TLL1: variants seen among roughly 807,000 people sequenced by gnomAD.
The protein encoded by TLL1 is tolloid like 1, also known as tolloid-like protein 1.
A neutral mutation model predicts 128.2 loss-of-function variants in TLL1; 49 were observed. That is an observed-to-expected ratio of 0.38 (90% CI 0.30 to 0.48). The LOEUF (loss-of-function observed/expected upper bound fraction) is 0.48, where lower values mean the gene tolerates loss of function less well. TLL1 is among the 20% of genes least tolerant of loss of function. The pLI is 0.96. For synonymous variants in TLL1, 454 were observed against 418.8 expected, an observed-to-expected ratio of 1.08 and a Z score of -1.03; for missense variants, 1,123 against 1,242.0, an observed-to-expected ratio of 0.90 and a Z score of 1.44.
At chr4:166,080,896 C>A (rs954144361) in intron 18 of TLL1, among the ~76,000 whole-genome samples, 8 of 152,030 alleles carry the variant, frequency 5.3e-5, no homozygotes, top group Admixed American at 2.0e-4. Context: ...TCCTCTCCAC[C>A]CTTTTTTGTC....
At chr4:165,890,751 G>T (rs1731365142) in intron 1 of TLL1, among the ~76,000 whole-genome samples, 2 of 152,174 alleles carry the variant, frequency 1.3e-5, no homozygotes, top group Admixed American at 1.3e-4. Flanking sequence ...ACCTTTTCTA[G>T]GCACAAGGTG....
chr4:166,061,044 C>CAA (rs1226604374), intron 15 of TLL1, among the ~76,000 whole-genome samples: 1 of 152,038 alleles, frequency 6.6e-6, no homozygotes, highest in Non-Finnish European at 1.5e-5. Flanking sequence ...AATTAACCCA[C>CAA]AAAAAATATT....
chr4:165,915,473 G>T (rs1307810456), intron 1 of TLL1, among the ~76,000 whole-genome samples: 1 of 152,182 alleles, frequency 6.6e-6, no homozygotes, highest in African/African-American at 2.4e-5. Flanking sequence ...TTAATTGTCT[G>T]CAGGAAGCTG....
chr4:165,967,335 T>A (rs1404342285), intron 1 of TLL1, among the ~76,000 whole-genome samples: 3 of 152,102 alleles, frequency 2.0e-5, no homozygotes, highest in Non-Finnish European at 2.9e-5. Flanking sequence ...ACATACATCC[T>A]CAGCTTATGA....
intron 19 of TLL1, among the ~76,000 whole-genome samples, chr4:166,092,556 C>T (rs948741562): frequency 6.6e-6 from 1 of 151,952 alleles, no homozygotes; most frequent in African/African-American, 2.4e-5. Context: ...TAACTTGTCA[C>T]CTAATGAAGG....
At chr4:165,952,259 C>A (rs908736795) in intron 1 of TLL1, among the ~76,000 whole-genome samples, 41 of 152,192 alleles carry the variant, frequency 2.7e-4, no homozygotes, top group African/African-American at 9.4e-4. Flanking sequence ...CTTTATAGTT[C>A]CTTGTCCATA....
At chr4:165,955,965 G>A (rs1248789674) in intron 1 of TLL1, among the ~76,000 whole-genome samples, 1 of 152,100 alleles carries the variant, frequency 6.6e-6, no homozygotes, top group Non-Finnish European at 1.5e-5. Context: ...CATATCAGTA[G>A]GACCGTGATG....
chr4:166,025,381 C>G lies in TLL1; in HGVS notation c.1108C>G (p.Pro370Ala), dbSNP rs756191805. ...CTCTCCAGGATTTCCCAATGGCTACCCTTCTTACACACACTGCATCTGGAG... is the reference window on the plus strand; with the variant it reads ...CTCTCCAGGATTTCCCAATGGCTACGCTTCTTACACACACTGCATCTGGAG... ...LSSPGFPNGY[P>A]SYTHCIWRVS... Residue 370 changes from proline to alanine, a missense_variant, in exon 9 of 21, where the codon CCT becomes GCT. Physicochemically the swap from Pro to Ala is conservative, Grantham distance 27. Transcript: ENST00000061240. The G allele has an allele frequency of 1.2e-6, 2 of 1,613,832 alleles. No homozygotes were observed. The highest frequency in any genetic ancestry group is 2.7e-5 in the African/African-American group (2 of 74,892).
intron 10 of TLL1, 59 bp downstream of exon 10, chr4:166,039,500 C>T (rs573204506): frequency 8.3e-7 from 1 of 1,209,384 alleles, no homozygotes; most frequent in Admixed American, 1.7e-5. Context: ...TCCAAAAAAA[C>T]CAACCGATTC....
In TLL1 at chr4:166,097,525, C is replaced by T. The variant is rs1229861737; in HGVS notation, c.2657-1752C>T. On this transcript the variant is annotated intron_variant, in intron 19 of 20. Transcript: ENST00000061240. ...TGCAAGTTCCTTCATATGTTAGTCA[C>T]ACAAAGGTCTCTGAATTTGCTGTTG... Among the ~76,000 whole-genome samples, 7 of 152,200 alleles carry T rather than the reference C, an allele frequency of 4.6e-5. No homozygotes were observed. In the Middle Eastern group the frequency reaches 0.014, roughly 296 times the overall value.
chr4:166,037,729 AC>A (rs1739065806), intron 9 of TLL1, among the ~76,000 whole-genome samples: 1 of 151,980 alleles, frequency 6.6e-6, no homozygotes, highest in Non-Finnish European at 1.5e-5. Context: ...AATCGCTTCA[AC>A]CCGGAAGGCA....
At position 166,103,747 on chromosome 4, in the gene TLL1, A is replaced by G. The variant is rs548353620; in HGVS notation, c.*2871A>G. 2.0e-5 allele frequency: 3 copies of G among 151,418 alleles called. No homozygotes were observed. The highest frequency in any genetic ancestry group is 4.2e-4 in the South Asian group (2 of 4,800). The allele number at this position is 151,418 out of a possible 1,614,324, so 9.4% of individuals were successfully genotyped here. On this transcript the variant is annotated 3_prime_UTR_variant, in exon 21 of 21. Transcript: ENST00000061240. ...ATAATTGTTACTTACTGCTCCAGGC[A>G]TTTTATTAAATTAATTTTTTAAATT...
intron 1 of TLL1, among the ~76,000 whole-genome samples, chr4:165,907,013 A>T (rs1732290164): frequency 6.6e-6 from 1 of 152,208 alleles, no homozygotes; most frequent in African/African-American, 2.4e-5. Context: ...CAACTAAAAC[A>T]TGTGAAACAA....
At chr4:165,979,736 G>T (rs1342487446) in intron 1 of TLL1, among the ~76,000 whole-genome samples, 2 of 152,098 alleles carry the variant, frequency 1.3e-5, no homozygotes, top group Admixed American at 6.6e-5. Flanking sequence ...CTTTCAGTGA[G>T]CTATGATTGC....
At chr4:166,074,587 C>T (rs1295893882) in intron 16 of TLL1, among the ~76,000 whole-genome samples, 2 of 152,026 alleles carry the variant, frequency 1.3e-5, no homozygotes, top group Non-Finnish European at 2.9e-5. Flanking sequence ...TATTGATTCC[C>T]TCTTTCTCCT....
chr4:165,958,528 C>G (rs1257119075), intron 1 of TLL1, among the ~76,000 whole-genome samples: 1 of 150,100 alleles, frequency 6.7e-6, no homozygotes, highest in Non-Finnish European at 1.5e-5. Context: ...AGTGTCTGTT[C>G]ATATCCTTTG....
At chr4:166,080,820 G>T (rs1302434055) in intron 18 of TLL1, among the ~76,000 whole-genome samples, 2 of 152,120 alleles carry the variant, frequency 1.3e-5, no homozygotes, top group Admixed American at 1.3e-4. Flanking sequence ...TGGGATTTAA[G>T]AGGTGTTTTC....
intron 20 of TLL1, 29 bp downstream of exon 20, chr4:166,099,556 G>A (rs372054848): frequency 2.3e-4 from 368 of 1,602,088 alleles, no homozygotes; most frequent in Non-Finnish European, 3.0e-4. Context: ...GAATACCCTA[G>A]ACATGATTAA....
intron 1 of TLL1, among the ~76,000 whole-genome samples, chr4:165,938,705 C>T (rs568325861): frequency 3.9e-4 from 59 of 152,048 alleles, no homozygotes; most frequent in Admixed American, 1.2e-3. Context: ...TATTTGCAGC[C>T]AGTCCCTTTC....
Sources: gnomAD v4.1 joint callset for allele counts (sites outside exome capture counted in the v4.1 genomes callset) on GRCh38, gnomAD v4.1.1 for gene constraint, MANE v1.5 for transcripts, NCBI Gene and HGNC (gene_info 2026-07-23, HGNC 2026-07-21) for gene names.